The following IMMP2L variants were observed in gnomAD, a reference collection of about 807,000 sequenced individuals.
IMMP2L encodes mitochondrial inner membrane protease subunit 2.
In IMMP2L, 18 loss-of-function variants were observed where a neutral mutation model predicts 19.3. The ratio of observed to expected loss-of-function variants is 0.93; its 90% CI spans 0.64 to 1.38. IMMP2L has a LOEUF of 1.38. IMMP2L is among the 40% of genes most tolerant of loss of function. The probability of loss-of-function intolerance (pLI) is 0.00; values close to 1 mark genes in which losing one functional copy is unlikely to be tolerated. For synonymous variants in IMMP2L, 76 were observed against 73.0 expected, an observed-to-expected ratio of 1.04 and a Z score of -0.21; for missense variants, 233 against 218.2, an observed-to-expected ratio of 1.07 and a Z score of -0.43.
intron 3 of IMMP2L, among the ~76,000 whole-genome samples, chr7:111,008,952 G>A (rs1489482364): frequency 6.6e-6 from 1 of 152,106 alleles, no homozygotes; most frequent in Non-Finnish European, 1.5e-5. Flanking sequence ...CTCAGTGTCA[G>A]TTATTCATGA....
chr7:111,128,953 A>G (rs1024264857), intron 3 of IMMP2L, among the ~76,000 whole-genome samples: 7 of 152,232 alleles, frequency 4.6e-5, no homozygotes, highest in African/African-American at 1.4e-4. Context: ...TATCTAGCAT[A>G]GACAAAATGT....
chr7:111,186,802 G>T (rs1808317750), intron 3 of IMMP2L, among the ~76,000 whole-genome samples: 1 of 152,002 alleles, frequency 6.6e-6, no homozygotes, highest in South Asian at 2.1e-4. Context: ...GAGTCTTACG[G>T]CCTAGTTCTT....
intron 3 of IMMP2L, among the ~76,000 whole-genome samples, chr7:111,177,314 A>G (rs1807186157): frequency 1.3e-5 from 2 of 151,950 alleles, no homozygotes; most frequent in Non-Finnish European, 2.9e-5. Flanking sequence ...TGGGTAGCTG[A>G]GACCAGAGAT....
chr7:111,004,123 G>A (rs1374081082), intron 3 of IMMP2L, among the ~76,000 whole-genome samples: 1 of 152,102 alleles, frequency 6.6e-6, no homozygotes, highest in Non-Finnish European at 1.5e-5. Flanking sequence ...GTTTCACCAT[G>A]TATTATCTTA....
chr7:111,531,683 A>G (rs1163146230), intron 1 of IMMP2L, among the ~76,000 whole-genome samples: 2 of 152,196 alleles, frequency 1.3e-5, no homozygotes, highest in Non-Finnish European at 2.9e-5. Flanking sequence ...AATTTAATAG[A>G]AAAGCATAAC....
intron 5 of IMMP2L, among the ~76,000 whole-genome samples, chr7:110,880,880 A>G (rs954143177): frequency 3.2e-4 from 48 of 152,144 alleles, no homozygotes; most frequent in African/African-American, 1.1e-3. Context: ...AATTCTGCTG[A>G]CATTCTTCTA....
rs1391872367 is a variant in IMMP2L, at chr7:110,760,900, G to A, written c.409-97179C>T. ...ATGGCCCAACAAGCCACAGGAGCCA[G>A]AGAAGTCAAACCAGATGTATAAGTG... On this transcript the variant is annotated intron_variant, in intron 5 of 5. Coordinates refer to ENST00000405709, the MANE Select transcript of IMMP2L (RefSeq NM_032549.4). This position sits in a 1 kb window ranked among gnomAD's most constrained non-coding sequence, Gnocchi z 4.2. Among the ~76,000 whole-genome samples the A allele has an allele frequency of 6.6e-6, 1 of 152,132 alleles. No individual in the cohort carries two copies. Among genetic ancestry groups the A allele is most frequent in the Non-Finnish European group, 1.5e-5 (1 of 68,022 alleles).
intron 5 of IMMP2L, among the ~76,000 whole-genome samples, chr7:110,847,880 G>A (rs964031890): frequency 1.3e-5 from 2 of 152,006 alleles, no homozygotes; most frequent in Non-Finnish European, 2.9e-5. Flanking sequence ...AAAAAATCTA[G>A]ACAGACTTTA....
At chr7:110,921,517 G>A (rs1365827038) in intron 4 of IMMP2L, among the ~76,000 whole-genome samples, 2 of 152,152 alleles carry the variant, frequency 1.3e-5, no homozygotes, top group African/African-American at 4.8e-5. Flanking sequence ...AGCCAATAGA[G>A]ACAAGATGCT....
intron 4 of IMMP2L, among the ~76,000 whole-genome samples, chr7:110,952,800 G>T (rs1817966393): frequency 6.6e-6 from 1 of 152,064 alleles, no homozygotes; most frequent in Non-Finnish European, 1.5e-5. Context: ...GGACATGATG[G>T]TTCTAATATT....
At chr7:111,280,018 C>T (rs1267761489) in intron 3 of IMMP2L, among the ~76,000 whole-genome samples, 1 of 152,064 alleles carries the variant, frequency 6.6e-6, no homozygotes, top group African/African-American at 2.4e-5. Flanking sequence ...CACAAATAAG[C>T]CAGGATTTAT....
At chr7:110,768,756 A>G (rs1037782139) in intron 5 of IMMP2L, among the ~76,000 whole-genome samples, 1 of 152,146 alleles carries the variant, frequency 6.6e-6, no homozygotes, top group Non-Finnish European at 1.5e-5. Flanking sequence ...AAGCTTTAGT[A>G]TCATAGCCCT....
chr7:111,507,632 C>G (rs1210181236), intron 2 of IMMP2L, among the ~76,000 whole-genome samples: 2 of 152,090 alleles, frequency 1.3e-5, no homozygotes. Flanking sequence ...ATCAATGCTA[C>G]ATATTTTAGG....
intron 5 of IMMP2L, among the ~76,000 whole-genome samples, chr7:110,792,400 C>G (rs554075391): frequency 6.7e-6 from 1 of 149,474 alleles, no homozygotes; most frequent in Non-Finnish European, 1.5e-5. Context: ...TGTATGAAAT[C>G]AAACCCTGTA....
chr7:111,115,791 C>G (rs1359407567), intron 3 of IMMP2L, among the ~76,000 whole-genome samples: 1 of 152,068 alleles, frequency 6.6e-6, no homozygotes. Context: ...CCTCAGCCTC[C>G]CGAGTAGCTG....
At chr7:111,236,702 C>A (rs1273190027) in intron 3 of IMMP2L, among the ~76,000 whole-genome samples, 1 of 152,100 alleles carries the variant, frequency 6.6e-6, no homozygotes, top group Non-Finnish European at 1.5e-5. Context: ...GCCACCTGGA[C>A]TTCCCCAGAC....
At chr7:110,701,861 G>A (rs1348956301) in intron 5 of IMMP2L, among the ~76,000 whole-genome samples, 6 of 152,028 alleles carry the variant, frequency 3.9e-5, no homozygotes, top group East Asian at 1.9e-4. Context: ...ATCCTATTAC[G>A]GTATATTAGC....
chr7:111,018,176 C>T (rs1342574762), intron 3 of IMMP2L, among the ~76,000 whole-genome samples: 2 of 152,120 alleles, frequency 1.3e-5, no homozygotes, highest in South Asian at 2.1e-4. Context: ...ATTTCCTATA[C>T]ATATATTGTT....
At chr7:111,348,831 G>A (rs752533761) in intron 3 of IMMP2L, among the ~76,000 whole-genome samples, 3 of 151,964 alleles carry the variant, frequency 2.0e-5, no homozygotes, top group Non-Finnish European at 2.9e-5. Context: ...CAAGGGTTCT[G>A]GTATCTGAAA....
Sources: allele counts gnomAD v4.1 joint callset (sites outside exome capture counted in the v4.1 genomes callset), GRCh38; gene constraint gnomAD v4.1.1; non-coding constraint Gnocchi (gnomAD v3.1); transcripts MANE v1.5; gene names NCBI Gene and HGNC (gene_info 2026-07-23, HGNC 2026-07-21).